The following GUCY2F variants were observed in gnomAD, a reference collection of about 807,000 sequenced individuals.
The protein encoded by GUCY2F is retinal guanylyl cyclase 2.
In GUCY2F, 61 loss-of-function variants were observed where a neutral mutation model predicts 73.1. That is an observed-to-expected ratio of 0.83 (90% CI 0.68 to 1.03). GUCY2F has a LOEUF of 1.03. Among genes scored for constraint, GUCY2F ranks in the 50% least tolerant of loss-of-function variants. The pLI is 0.00. For synonymous variants in GUCY2F, 331 were observed against 307.8 expected (o/e 1.08, Z -0.79); for missense variants, 912 against 854.3 (o/e 1.07, Z -0.84).
chrX:109,476,950 T>C (rs1300915066), intron 1 of GUCY2F, among the ~76,000 whole-genome samples: 1 of 110,721 alleles, frequency 9.0e-6, no homozygotes, highest in Non-Finnish European at 1.9e-5. Context: ...AAGGGCCAGA[T>C]CACCAAGATA....
rs780930929 is a variant in GUCY2F, at chrX:109,475,890, G to T, written c.47C>A (p.Ala16Glu). 4 of 1,208,345 alleles carry T rather than the reference G, an allele frequency of 3.3e-6. No individual in the cohort carries two copies. Among genetic ancestry groups the T allele is most frequent in the Non-Finnish European group, 4.5e-6 (4 of 893,988 alleles). The change falls in exon 2 of 20, where the codon GCG (alanine) becomes GAG (glutamate). Residue 16 changes from alanine to glutamate, a missense_variant. Ala to Glu is a moderately radical substitution (Grantham distance 107). Transcript: ENST00000218006. ...GRFSRLVLWF[A>E]AFRKLLGHHG... ...GTGTCCCAGCAGTTTCCTGAAAGCCGCAAACCAGAGAACAAGGCGAGAAAA... is the reference window on the plus strand; with the variant it reads ...GTGTCCCAGCAGTTTCCTGAAAGCCTCAAACCAGAGAACAAGGCGAGAAAA...
At chrX:109,431,390 CA>C (rs1296106352) in intron 7 of GUCY2F, among the ~76,000 whole-genome samples, 1 of 111,594 alleles carries the variant, frequency 9.0e-6, no homozygotes, top group African/African-American at 3.3e-5. Context: ...ACTGTGCAGT[CA>C]AATTCCAAAA....
rs749610144 is a variant in GUCY2F, at chrX:109,462,074, C to T, written c.1032+3068G>A. On this transcript the variant is annotated intron_variant, in intron 3 of 19. Coordinates refer to ENST00000218006, the MANE Select transcript of GUCY2F (RefSeq NM_001522.3). ...AAAGATTGTAACTTAGATGCTAGGT[C>T]ACCACCAATCAATAAGGTCATCCTA... Among the ~76,000 whole-genome samples, 4 of 112,767 alleles carry T rather than the reference C, an allele frequency of 3.5e-5. No homozygotes were observed. The East Asian group carries it at 1.1e-3, about 31-fold the overall frequency.
intron 10 of GUCY2F, among the ~76,000 whole-genome samples, chrX:109,402,002 T>C (rs941849631): frequency 5.4e-5 from 6 of 111,511 alleles, no homozygotes; most frequent in African/African-American, 2.0e-4. Context: ...TTCCAGGCCA[T>C]GCAGGGCTCA....
chrX:109,435,006 A>T (rs1481927972), intron 7 of GUCY2F, among the ~76,000 whole-genome samples: 2 of 110,127 alleles, frequency 1.8e-5, no homozygotes, highest in African/African-American at 6.8e-5. Flanking sequence ...TGGTACCAGT[A>T]CCATGCTGTT....
intron 7 of GUCY2F, among the ~76,000 whole-genome samples, chrX:109,437,038 C>T (rs1931768024): frequency 9.2e-6 from 1 of 108,169 alleles, no homozygotes; most frequent in Admixed American, 9.7e-5. Flanking sequence ...AGAAACTAGA[C>T]AATGGGTCTT....
At chrX:109,459,567 CA>C (rs1932324215) in intron 3 of GUCY2F, among the ~76,000 whole-genome samples, 1 of 111,049 alleles carries the variant, frequency 9.0e-6, no homozygotes, top group Non-Finnish European at 1.9e-5. Flanking sequence ...AGGTGGAGCA[CA>C]AAAAAACAGT....
intron 3 of GUCY2F, 85 bp downstream of exon 3, chrX:109,465,057 G>A: frequency 1.4e-6 from 1 of 694,799 alleles, no homozygotes; most frequent in Non-Finnish European, 2.2e-6. Context: ...GCCTCCTATG[G>A]AATTGAGACT....
In GUCY2F at chrX:109,398,573, A is replaced by C; in HGVS notation, c.2251T>G (p.Cys751Gly). 8.3e-7 allele frequency: 1 copy of C among 1,209,768 alleles called. No homozygotes were observed. The highest frequency in any genetic ancestry group is 1.1e-6 in the Non-Finnish European group (1 of 894,075). Residue 751 changes from cysteine (C) to glycine (G), a missense_variant, in exon 11 of 20, where the codon TGC (cysteine) becomes GGC (glycine). By Grantham distance (159) the Cys-to-Gly change is radical. Coordinates refer to ENST00000218006, the MANE Select transcript of GUCY2F (RefSeq NM_001522.3). ...CCTTGAGCTGGCAGATCCATCATGC[A>C]GAATGGGGTACCCCGGACCATCACT... ...QEVMVRGTPF[C>G]MMDLPAQEII...
rs1215112972 is a variant in GUCY2F, at chrX:109,475,407, A to C, written c.530T>G (p.Val177Gly). 9.1e-6 allele frequency: 11 copies of C among 1,209,141 alleles called. No individual in the cohort carries two copies. The highest frequency in any genetic ancestry group is 1.7e-5 in the African/African-American group (1 of 57,184). Reference protein sequence around the residue: ...RTLPSPIRVLVTVMKYFQWAH... With the variant: ...RTLPSPIRVLGTVMKYFQWAH... ...CCACTGGAAATATTTCATGACAGTTACAAGCACCCGGATGGGAGAAGGGAG... is the reference window on the plus strand; with the variant it reads ...CCACTGGAAATATTTCATGACAGTTCCAAGCACCCGGATGGGAGAAGGGAG... Residue 177 changes from valine (V) to glycine (G), a missense_variant, in exon 2 of 20, where the codon GTA becomes GGA. Transcript: ENST00000218006.
chrX:109,395,605 G>A (rs1930688095), intron 11 of GUCY2F, 116 bp from the exon 12 acceptor site: 1 of 567,345 alleles, frequency 1.8e-6, no homozygotes, highest in East Asian at 3.3e-5. Flanking sequence ...ACACAGAAGG[G>A]CCATCTCCTT....
At position 109,475,236 on chromosome X, in the gene GUCY2F, T is replaced by C. The variant is rs748512478; in HGVS notation, c.701A>G (p.Gln234Arg). The C allele has an allele frequency of 4.1e-6, 5 of 1,209,192 alleles. No individual in the cohort carries two copies. Among genetic ancestry groups the C allele is most frequent in the South Asian group, 1.8e-5 (1 of 56,739 alleles). The change falls in exon 2 of 20, where the codon CAG (glutamine) becomes CGG (arginine). Residue 234 changes from glutamine to arginine, a missense_variant. Physicochemically the swap from Gln to Arg is conservative, Grantham distance 43. Transcript: ENST00000218006. ...AATTCTGTCTGCCTGGTGAATCCTC[T>C]GGAGGGCTTTCCGCATGCTTTGGCT... ...QDSQSMRKAL[Q>R]RIHQADRIRI...
intron 6 of GUCY2F, 145 bp downstream of exon 6, chrX:109,447,924 T>C: frequency 3.4e-6 from 1 of 293,008 alleles, no homozygotes; most frequent in Non-Finnish European, 6.1e-6. Context: ...TTACATGTTT[T>C]TATACTGTTT....
At chrX:109,453,965 G>A (rs909978683) in intron 3 of GUCY2F, 106 bp from the exon 4 acceptor site, 3 of 428,607 alleles carry the variant, frequency 7.0e-6, no homozygotes, top group East Asian at 4.0e-5. Flanking sequence ...TCTGAGTGAA[G>A]TAGAGCTATG....
At chrX:109,393,148 C>G in intron 12 of GUCY2F, 93 bp from the exon 13 acceptor site, 1 of 523,908 alleles carries the variant, frequency 1.9e-6, no homozygotes, top group South Asian at 3.0e-5. Flanking sequence ...TCCATTCCAC[C>G]AAAATGCCAG....
At chrX:109,443,211 G>A (rs1015658584) in intron 6 of GUCY2F, among the ~76,000 whole-genome samples, 1 of 111,012 alleles carries the variant, frequency 9.0e-6, no homozygotes, top group Non-Finnish European at 1.9e-5. Context: ...ATGCCAAAAG[G>A]GATCTGGAGG....
chrX:109,459,037 T>C (rs941523203), intron 3 of GUCY2F, among the ~76,000 whole-genome samples: 1 of 111,471 alleles, frequency 9.0e-6, no homozygotes, highest in African/African-American at 3.3e-5. Context: ...TTTTGTGACT[T>C]ATTTTTTCCT....
At chrX:109,480,241 C>A (rs1932756958) in intron 1 of GUCY2F, among the ~76,000 whole-genome samples, 1 of 111,591 alleles carries the variant, frequency 9.0e-6, no homozygotes, top group Non-Finnish European at 1.9e-5. Context: ...GGAGAGAAAA[C>A]AACTCTAAAG....
At chrX:109,435,546 C>G (rs1464255379) in intron 7 of GUCY2F, among the ~76,000 whole-genome samples, 1 of 110,550 alleles carries the variant, frequency 9.0e-6, no homozygotes, top group African/African-American at 3.3e-5. Flanking sequence ...ATGGGGTTTT[C>G]TAGATATACA....
Sources: allele counts gnomAD v4.1 joint callset (sites outside exome capture counted in the v4.1 genomes callset), GRCh38; gene constraint gnomAD v4.1.1; transcripts MANE v1.5; gene names NCBI Gene and HGNC (gene_info 2026-07-23, HGNC 2026-07-21).